ZNF48: variants seen among roughly 807,000 people sequenced by gnomAD.
The protein encoded by ZNF48 is zinc finger protein 553.
A neutral mutation model predicts 40.0 loss-of-function variants in ZNF48; 20 were observed. The observed-to-expected ratio is 0.50, with a 90% CI of 0.35 to 0.73. The LOEUF is 0.73. Ranked by LOEUF, ZNF48 falls within the 30% of genes least tolerant of loss-of-function variation. ZNF48 has a pLI of 0.01. For missense variants in ZNF48, 726 were observed against 851.9 expected (o/e 0.85, Z 1.84); for synonymous variants, 298 against 329.7 (o/e 0.90, Z 1.04).
In ZNF48 at chr16:30,381,100, T is replaced by C; in HGVS notation, c.-16+2690T>C. 6.4e-7 allele frequency: 1 copy of C among 1,566,098 alleles called. No homozygotes were observed. Reference sequence around the variant, plus strand: ...AAATCAGGTTTGGCTTCACATGGGGTCAAAGGTCAGAGGTCATCACTCACA... The same window carrying C: ...AAATCAGGTTTGGCTTCACATGGGGCCAAAGGTCAGAGGTCATCACTCACA... On this transcript the variant is annotated intron_variant, in intron 1 of 2. Transcript: ENST00000528032. The surrounding 1 kb of genome is among the most constrained non-coding windows in gnomAD (Gnocchi z 4.3).
chr16:30,380,255 G>T, intron 1 of ZNF48: 1 of 333,170 alleles, frequency 3.0e-6, no homozygotes, highest in Non-Finnish European at 5.6e-6. Flanking sequence ...GACATTAAGA[G>T]ACCAGGAGAA....
intron 1 of ZNF48, chr16:30,379,206 C>G (rs376448850): frequency 1.8e-5 from 29 of 1,612,704 alleles, no homozygotes; most frequent in African/African-American, 2.7e-5. Flanking sequence ...CGGCGCGGAC[C>G]AGCGAACGTC....
In ZNF48 at chr16:30,398,581, C is replaced by A. The variant is rs768696139; in HGVS notation, c.1331C>A (p.Pro444Gln). 1 of 1,611,898 alleles carries A rather than the reference C, an allele frequency of 6.2e-7. No homozygotes were observed. Among genetic ancestry groups the A allele is most frequent in the South Asian group, 1.1e-5 (1 of 91,066 alleles). ...GGPQAGEPPP[P>Q]LAGDKPHKCP... ...CCACAGGCTGGGGAGCCACCCCCAC[C>A]ACTGGCGGGCGACAAGCCCCACAAG... The change falls in exon 3 of 3, where the codon CCA (proline) becomes CAA (glutamine). Residue 444 changes from proline to glutamine, a missense_variant. Transcript: ENST00000613509. This position sits in a 1 kb window ranked among gnomAD's most constrained non-coding sequence, Gnocchi z 6.6.
At chr16:30,384,730 T>C (rs1020459384) in intron 1 of ZNF48, among the ~76,000 whole-genome samples, 1 of 148,820 alleles carries the variant, frequency 6.7e-6, no homozygotes, top group East Asian at 2.0e-4. Flanking sequence ...ATACAAAAAT[T>C]AGCCAGGCAT....
At chr16:30,392,548 T>G (rs931679635), upstream of ZNF48, among the ~76,000 whole-genome samples, 1 of 152,202 alleles carries the variant, frequency 6.6e-6, no homozygotes, top group African/African-American at 2.4e-5. Flanking sequence ...GAGTCTGGAC[T>G]TTGCCGAAAT....
rs758021968 is a variant in ZNF48, at chr16:30,398,527, T to A, written c.1277T>A (p.Leu426Gln). The change falls in exon 3 of 3, where the codon CTG becomes CAG. Residue 426 changes from leucine (L) to glutamine (Q), a missense_variant. This residue lies in a region of ZNF48 where 378 missense variants were observed against 449.1 expected (regional missense o/e 0.84). Transcript: ENST00000613509. The surrounding 1 kb of genome is among the most constrained non-coding windows in gnomAD (Gnocchi z 6.6). Reference protein sequence around the residue: ...SPSHSGEPFGLPGLEPEPGGP... With the variant: ...SPSHSGEPFGQPGLEPEPGGP... ...TCACACTCGGGTGAGCCTTTTGGCC[T>A]GCCTGGCTTGGAGCCAGAGCCTGGG... is the stretch of plus-strand genomic sequence containing the variant. The A allele has an allele frequency of 3.1e-6, 5 of 1,603,512 alleles. No homozygotes were observed. Among genetic ancestry groups the A allele is most frequent in the Non-Finnish European group, 4.3e-6 (5 of 1,175,014 alleles).
In ZNF48 at chr16:30,398,379, C is replaced by T; in HGVS notation, c.1129C>T (p.His377Tyr). 1 of 1,612,948 alleles carries T rather than the reference C, an allele frequency of 6.2e-7. No individual in the cohort carries two copies. The part of the protein sequence containing the change: ...TFSLSSTLLR[H>Y]RLTHMEPQDF... The stretch of plus-strand genomic sequence containing the variant: ...CAGCCTCAGCTCCACCCTTCTTCGC[C>T]ACCGCCTCACTCACATGGAGCCCCA... Residue 377 changes from histidine to tyrosine, a missense_variant, in exon 3 of 3, where the codon CAC becomes TAC. By Grantham distance (83) the His-to-Tyr change is moderately conservative. Transcript: ENST00000613509. This position sits in a 1 kb window ranked among gnomAD's most constrained non-coding sequence, Gnocchi z 6.6.
chr16:30,394,897 G>A (rs2049967097), upstream of ZNF48: 2 of 286,950 alleles, frequency 7.0e-6, no homozygotes, highest in Admixed American at 4.2e-5. Context: ...GCATTTACCC[G>A]GTGTCTGCCT....
chr16:30,395,168 G>T, upstream of ZNF48: 2 of 453,150 alleles, frequency 4.4e-6, no homozygotes, highest in Non-Finnish European at 8.9e-6. The surrounding 1 kb of genome is among the most constrained non-coding windows in gnomAD (Gnocchi z 5.9). Flanking sequence ...CGGGGAGGTC[G>T]GCGCGGGTGG....
At position 30,398,419 on chromosome 16, in the gene ZNF48, C is replaced by T. The variant is rs2050012009; in HGVS notation, c.1169C>T (p.Pro390Leu). The T allele has an allele frequency of 1.2e-5, 19 of 1,607,164 alleles. No individual in the cohort carries two copies. Among genetic ancestry groups the T allele is most frequent in the Non-Finnish European group, 1.6e-5 (19 of 1,175,432 alleles). Residue 390 changes from proline (P) to leucine (L), a missense_variant, in exon 3 of 3, where the codon CCA becomes CTA. This residue lies in a region of ZNF48 where 378 missense variants were observed against 449.1 expected (regional missense o/e 0.84). Transcript: ENST00000613509. This position sits in a 1 kb window ranked among gnomAD's most constrained non-coding sequence, Gnocchi z 6.6. The part of the protein sequence containing the change: ...THMEPQDFSF[P>L]GYPLPALIPS... ...ATGGAGCCCCAGGACTTCAGCTTCC[C>T]AGGCTATCCCCTACCCGCTCTGATC...
chr16:30,383,122 C>T (rs2049872291), intron 1 of ZNF48: 4 of 403,514 alleles, frequency 9.9e-6, no homozygotes, highest in South Asian at 4.6e-5. Context: ...ATCAAGACTG[C>T]AGTGAGCTGT....
chr16:30,382,076 G>C lies in ZNF48; in HGVS notation c.-16+3666G>C. The stretch of plus-strand genomic sequence containing the variant: ...GGGACAGGGGCTACTGCCTCAAGAG[G>C]GTGGGGAGGGTCTTACCACTGGCCT... On this transcript the variant is annotated intron_variant, in intron 1 of 2. Coordinates refer to the ZNF48 transcript ENST00000528032. The surrounding 1 kb of genome is among the most constrained non-coding windows in gnomAD (Gnocchi z 4.8). 1 of 1,577,618 alleles carries C rather than the reference G, an allele frequency of 6.3e-7. No individual in the cohort carries two copies. The highest frequency in any genetic ancestry group is 1.1e-5 in the South Asian group (1 of 87,694).
At chr16:30,379,666 T>TTTTTTTTTA (rs2049814819) in intron 1 of ZNF48, 3 of 616,022 alleles carry the variant, frequency 4.9e-6, no homozygotes, top group Admixed American at 3.1e-5. Context: ...TTTTTTTTTT[T>TTTTTTTTTA]GAGACAGGGT....
At position 30,381,198 on chromosome 16, in the gene ZNF48, C is replaced by CT. The variant is rs2049842342; in HGVS notation, c.-16+2791dup. On this transcript the variant is annotated intron_variant, in intron 1 of 2. Coordinates refer to the ZNF48 transcript ENST00000528032. The surrounding 1 kb of genome is among the most constrained non-coding windows in gnomAD (Gnocchi z 4.3). ...TTGCCAATGACTGGGATGATGTTGA[C>CT]TTTCTCGTGTACTGCCCGGAGGAAG... 1 of 1,613,950 alleles carries CT rather than the reference C, an allele frequency of 6.2e-7. No individual in the cohort carries two copies. Among genetic ancestry groups the CT allele is most frequent in the Non-Finnish European group, 8.5e-7 (1 of 1,180,006 alleles).
At chr16:30,380,991 C>T in intron 1 of ZNF48, 1 of 777,892 alleles carries the variant, frequency 1.3e-6, no homozygotes, top group Non-Finnish European at 2.2e-6. Flanking sequence ...TTACCACCCG[C>T]CTTCCTCAGA....
rs780919495 is a variant in ZNF48 at position 30,395,814 on chromosome 16, C to G, written c.20C>G (p.Pro7Arg). The change falls in exon 2 of 3, where the codon CCT becomes CGT. Residue 7 changes from proline (P) to arginine (R), a missense_variant. This residue lies in a region of ZNF48 where 151 missense variants were observed against 162.3 expected (regional missense o/e 0.93). Transcript: ENST00000613509. The surrounding 1 kb of genome is among the most constrained non-coding windows in gnomAD (Gnocchi z 5.9). ...CCGGCGATGGAGCGCGCGGTAGAGC[C>G]TTGGGGCCCAGATCTCCACCGCCCG... MERAVE[P>R]WGPDLHRPEE... The G allele has an allele frequency of 4.5e-6, 7 of 1,549,778 alleles. No homozygotes were observed. In the East Asian group the frequency reaches 7.2e-5, roughly 16 times the overall value.
At position 30,398,400 on chromosome 16, in the gene ZNF48, C is replaced by T. The variant is rs1161401299; in HGVS notation, c.1150C>T (p.Pro384Ser). ...LLRHRLTHME[P>S]QDFSFPGYPL... ...TCGCCACCGCCTCACTCACATGGAG[C>T]CCCAGGACTTCAGCTTCCCAGGCTA... Residue 384 changes from proline (P) to serine (S), a missense_variant, in exon 3 of 3, where the codon CCC (proline) becomes TCC (serine). Coordinates refer to ENST00000613509, the MANE Select transcript of ZNF48 (RefSeq NM_001214909.2). This position sits in a 1 kb window ranked among gnomAD's most constrained non-coding sequence, Gnocchi z 6.6. 1.2e-6 allele frequency: 2 copies of T among 1,610,254 alleles called. No individual in the cohort carries two copies. The highest frequency in any genetic ancestry group is 1.7e-6 in the Non-Finnish European group (2 of 1,177,444).
chr16:30,379,224 T>C (rs757476360), intron 1 of ZNF48: 46 of 1,609,850 alleles, frequency 2.9e-5, no homozygotes, highest in Non-Finnish European at 3.7e-5. Context: ...GTCAGGGAGT[T>C]TCGGGTCCAA....
intron 2 of ZNF48, among the ~76,000 whole-genome samples, chr16:30,396,837 C>T (rs2049988886): frequency 6.6e-6 from 1 of 151,752 alleles, no homozygotes; most frequent in Non-Finnish European, 1.5e-5. Context: ...TACAGGTGTG[C>T]ACCACCATGC....
Sources: allele counts gnomAD v4.1 joint callset (sites outside exome capture counted in the v4.1 genomes callset), GRCh38; gene constraint gnomAD v4.1.1; regional missense constraint gnomAD v4.1.1; non-coding constraint Gnocchi (gnomAD v3.1); transcripts MANE v1.5; gene names NCBI Gene and HGNC (gene_info 2026-07-23, HGNC 2026-07-21).